The following DSG2 variants were observed in gnomAD, a reference collection of about 807,000 sequenced individuals.
DSG2 encodes desmoglein 2.
Under a neutral mutation model 75.6 loss-of-function variants are expected in DSG2, and 45 were observed. The observed-to-expected ratio is 0.60, with a 90% confidence interval of 0.47 to 0.76. The LOEUF is 0.76. Ranked by LOEUF, DSG2 falls within the 30% of genes least tolerant of loss-of-function variation. The pLI is 0.00. For synonymous variants in DSG2, 429 were observed against 483.9 expected, an observed-to-expected ratio of 0.89 and a Z score of 1.49; for missense variants, 1,267 against 1,357.4, an observed-to-expected ratio of 0.93 and a Z score of 1.05.
chr18:31,539,132 A>C (rs144601656), intron 12 of DSG2, among the ~76,000 whole-genome samples, 154 bp downstream of exon 12: 2 of 152,212 alleles, frequency 1.3e-5, no homozygotes, highest in African/African-American at 2.4e-5. Flanking sequence ...ATGATTGGCA[A>C]ATCACCAAAG....
intron 1 of DSG2, among the ~76,000 whole-genome samples, chr18:31,502,748 C>CA (rs1368086229): frequency 2.1e-5 from 3 of 140,070 alleles, no homozygotes; most frequent in East Asian, 2.1e-4. Flanking sequence ...GAGACTCTGT[C>CA]AAAAAAAAGA....
At chr18:31,525,396 G>A (rs921502878) in intron 8 of DSG2, among the ~76,000 whole-genome samples, 3 of 152,084 alleles carry the variant, frequency 2.0e-5, no homozygotes, top group African/African-American at 7.2e-5. Flanking sequence ...GCACATGCCT[G>A]TAGTCCCAGC....
At chr18:31,540,167 A>G (rs1246879327) in intron 12 of DSG2, among the ~76,000 whole-genome samples, 1 of 152,136 alleles carries the variant, frequency 6.6e-6, no homozygotes, top group African/African-American at 2.4e-5. Flanking sequence ...AGTCATCCCA[A>G]AACCAACCCC....
intron 3 of DSG2, 141 bp from the exon 4 acceptor site, chr18:31,520,662 C>A: frequency 2.2e-6 from 2 of 892,228 alleles, no homozygotes; most frequent in Non-Finnish European, 1.7e-6. Context: ...CCTGTATTAC[C>A]AAAGAACTTC....
chr18:31,531,556 A>G (rs2073199060), intron 9 of DSG2, among the ~76,000 whole-genome samples: 1 of 152,240 alleles, frequency 6.6e-6, no homozygotes. Flanking sequence ...AAACTTTTAA[A>G]AACCTGTCTT....
Position 31,521,236 on chromosome 18 carries a change from T to C in DSG2, c.516T>C (p.Ser172=). Residue 172 remains serine (S), a synonymous_variant, in exon 5 of 15, where the codon AGT becomes AGC. Transcript: ENST00000261590. ...TTGTTGGGTCTGTTGAAGAGTTGAG[T>C]GCAGCACGTAAGAGTCTTTTTTTTT... ...DVFVGSVEEL[S]AAHTLVMKIN... 6.2e-7 allele frequency: 1 copy of C among 1,612,388 alleles called. No homozygotes were observed. Among genetic ancestry groups the C allele is most frequent in the Non-Finnish European group, 8.5e-7 (1 of 1,179,484 alleles).
chr18:31,535,741 G>A (rs1395174648), intron 10 of DSG2, among the ~76,000 whole-genome samples: 5 of 150,780 alleles, frequency 3.3e-5, no homozygotes, highest in African/African-American at 1.2e-4. Flanking sequence ...AGCGGAGATC[G>A]CGCCAGACAA....
intron 1 of DSG2, among the ~76,000 whole-genome samples, chr18:31,514,554 T>C (rs569497069): frequency 6.6e-6 from 1 of 152,340 alleles, no homozygotes; most frequent in African/African-American, 2.4e-5. Context: ...CATTGACTGT[T>C]GTTTGTACCT....
chr18:31,505,656 C>CTTTTTTTTTTTT (rs558578470), intron 1 of DSG2, among the ~76,000 whole-genome samples: 1 of 136,080 alleles, frequency 7.3e-6, no homozygotes, highest in Non-Finnish European at 1.6e-5. Context: ...ATTTTTTTTT[C>CTTTTTTTTTTTT]TTTTTTTTTT....
Position 31,518,382 on chromosome 18 carries a change from C to T in DSG2, c.81+108C>T, listed in dbSNP as rs9807377. ...ATTGAAGACACATGTTGTATTAGAC[C>T]CAGCCATTCCCATTCAAACAAGTGC... is the stretch of plus-strand genomic sequence containing the variant. On this transcript the variant is annotated intron_variant, in intron 2 of 14. Transcript: ENST00000261590. 0.26 allele frequency: 242,890 copies of T among 926,172 alleles called. 33,222 individuals carry two copies. Among genetic ancestry groups the T allele is most frequent in the East Asian group, 0.32 (13,022 of 40,704 alleles). The allele number at this position is 926,172 out of a possible 1,614,324, so 57.4% of individuals were successfully genotyped here.
intron 11 of DSG2, 109 bp from the exon 12 acceptor site, chr18:31,538,642 T>C (rs1250257261): frequency 4.0e-5 from 37 of 914,698 alleles, no homozygotes; most frequent in Non-Finnish European, 7.1e-6. Flanking sequence ...ACAAAGTACC[T>C]AATTGGAGTT....
In DSG2 at chr18:31,546,193, C is replaced by T. The variant is rs1221413592; in HGVS notation, c.2807C>T (p.Thr936Ile). 2.5e-6 allele frequency: 4 copies of T among 1,613,774 alleles called. No homozygotes were observed. Among genetic ancestry groups the T allele is most frequent in the Non-Finnish European group, 2.5e-6 (3 of 1,179,802 alleles). The change falls in exon 15 of 15, where the codon ACA (threonine) becomes ATA (isoleucine). Residue 936 changes from threonine (T) to isoleucine (I), a missense_variant. Transcript: ENST00000261590. Reference sequence around the variant, plus strand: ...ATGGCTTCTAGAAATGTGATAGCAACAGAAACTTCCTATGTCACAGGGTCC... The same window carrying T: ...ATGGCTTCTAGAAATGTGATAGCAATAGAAACTTCCTATGTCACAGGGTCC... ...DPMASRNVIA[T>I]ETSYVTGSTM...
intron 8 of DSG2, among the ~76,000 whole-genome samples, chr18:31,530,493 C>T (rs896824507): frequency 3.9e-5 from 6 of 152,198 alleles, no homozygotes; most frequent in Non-Finnish European, 5.9e-5. Context: ...TCATGGCTCA[C>T]TGCAGCCTCA....
chr18:31,530,860 C>A, intron 8 of DSG2, 127 bp from the exon 9 acceptor site: 2 of 878,854 alleles, frequency 2.3e-6, no homozygotes, highest in Non-Finnish European at 3.5e-6. Context: ...TTGGACTATT[C>A]AGTGCTGCTA....
intron 2 of DSG2, among the ~76,000 whole-genome samples, chr18:31,519,101 C>T (rs1243863681): frequency 6.6e-6 from 1 of 151,946 alleles, no homozygotes; most frequent in African/African-American, 2.4e-5. Flanking sequence ...ATTTTTAAAC[C>T]ACAAACCACC....
intron 1 of DSG2, among the ~76,000 whole-genome samples, chr18:31,511,060 G>T (rs78722216): frequency 0.015 from 2,348 of 152,284 alleles, 58 homozygotes; most frequent in African/African-American, 0.054. Flanking sequence ...GCTTGTTCCA[G>T]TCATGTTACT....
At chr18:31,512,815 T>G (rs2073074407) in intron 1 of DSG2, among the ~76,000 whole-genome samples, 1 of 152,228 alleles carries the variant, frequency 6.6e-6, no homozygotes, top group Non-Finnish European at 1.5e-5. Flanking sequence ...GCTTTAATTT[T>G]TTTTATTGCT....
At chr18:31,511,744 AACAT>A (rs1349261766) in intron 1 of DSG2, among the ~76,000 whole-genome samples, 4 of 152,184 alleles carry the variant, frequency 2.6e-5, no homozygotes, top group Non-Finnish European at 5.9e-5. Flanking sequence ...GTTTTAGTGT[AACAT>A]ACATCCAGAA....
At chr18:31,514,669 A>C (rs1347380406) in intron 1 of DSG2, among the ~76,000 whole-genome samples, 1 of 152,232 alleles carries the variant, frequency 6.6e-6, no homozygotes, top group Non-Finnish European at 1.5e-5. Context: ...TTAGAAATGC[A>C]AAGTGTAAGG....
Sources: allele counts gnomAD v4.1 joint callset (sites outside exome capture counted in the v4.1 genomes callset), GRCh38; gene constraint gnomAD v4.1.1; transcripts MANE v1.5; gene names NCBI Gene and HGNC (gene_info 2026-07-23, HGNC 2026-07-21).